The following ZFAT variants were observed in gnomAD, a reference collection of about 807,000 sequenced individuals.
ZFAT encodes the protein zinc finger and AT-hook domain containing.
Under a neutral mutation model 117.7 loss-of-function variants are expected in ZFAT, and 64 were observed. The ratio of observed to expected loss-of-function variants is 0.54; its 90% CI spans 0.44 to 0.67. The LOEUF is 0.67. Ranked by LOEUF, ZFAT falls within the 30% of genes least tolerant of loss-of-function variation. ZFAT has a pLI of 0.00. For missense variants in ZFAT, 1,433 were observed against 1,584.5 expected, an observed-to-expected ratio of 0.90 and a Z score of 1.62; for synonymous variants, 679 against 615.0, an observed-to-expected ratio of 1.10 and a Z score of -1.54.
chr8:134,708,438 G>A (rs1482731827), intron 1 of ZFAT, among the ~76,000 whole-genome samples: 1 of 151,738 alleles, frequency 6.6e-6, no homozygotes, highest in Non-Finnish European at 1.5e-5. Context: ...ACCCCGTAAA[G>A]AAACAAATAT....
intron 11 of ZFAT, among the ~76,000 whole-genome samples, chr8:134,543,014 T>A (rs1329699899): frequency 8.4e-6 from 1 of 118,720 alleles, no homozygotes; most frequent in Non-Finnish European, 1.7e-5. Context: ...TGACAGTGAG[T>A]CAGGCACATG....
At chr8:134,712,784 C>G (rs1814069082) in intron 1 of ZFAT, 61 bp downstream of exon 1, 2 of 1,400,586 alleles carry the variant, frequency 1.4e-6, no homozygotes. Context: ...AAACGGCTTT[C>G]CGCGCGCCGC....
At chr8:134,566,779 G>A (rs1824502009) in intron 10 of ZFAT, among the ~76,000 whole-genome samples, 2 of 152,166 alleles carry the variant, frequency 1.3e-5, no homozygotes, top group African/African-American at 4.8e-5. Context: ...CAAGCCAATG[G>A]CAGATTTTGG....
At chr8:134,731,889 A>C in the ZFAT span, among the ~76,000 whole-genome samples, 1 of 152,204 alleles carries the variant, frequency 6.6e-6, no homozygotes, top group Non-Finnish European at 1.5e-5. Flanking sequence ...CACTTGTCAC[A>C]GTCATTCCTC....
Position 134,478,414 on chromosome 8 carries a change from C to T in ZFAT, c.*68G>A, listed in dbSNP as rs1817028644. The T allele has an allele frequency of 2.0e-6, 3 of 1,513,950 alleles. No homozygotes were observed. The highest frequency in any genetic ancestry group is 2.7e-6 in the Non-Finnish European group (3 of 1,128,222). The allele number at this position is 1,513,950 out of a possible 1,614,324, so 93.8% of individuals were successfully genotyped here. A position where few individuals can be genotyped will look rare whatever the true frequency, so the allele number is the denominator to read the frequency against. On this transcript the variant is annotated 3_prime_UTR_variant, in exon 16 of 16. Transcript: ENST00000377838. The surrounding 1 kb of genome is among the most constrained non-coding windows in gnomAD (Gnocchi z 5.2). ...TCTGCGGGTAGGGCAGGAAGGGTGG[C>T]CTCCCCACCCTGGGTGCCTGCAGAG...
intron 11 of ZFAT, among the ~76,000 whole-genome samples, chr8:134,563,853 C>T (rs535825063): frequency 6.6e-6 from 1 of 152,262 alleles, no homozygotes; most frequent in South Asian, 2.1e-4. Flanking sequence ...AATCAGGGTG[C>T]CTTGACTGTT....
At chr8:134,817,919 T>C in the ZFAT span, among the ~76,000 whole-genome samples, 1 of 152,092 alleles carries the variant, frequency 6.6e-6, no homozygotes, top group Non-Finnish European at 1.5e-5. Flanking sequence ...GGGAATTCAA[T>C]AGAAAAAGGA....
intron 15 of ZFAT, among the ~76,000 whole-genome samples, chr8:134,495,777 A>G (rs1209556953): frequency 6.6e-6 from 1 of 152,196 alleles, no homozygotes; most frequent in Non-Finnish European, 1.5e-5. Context: ...AAAAGATACA[A>G]AAATTAGCCA....
At chr8:134,828,090 G>T in the ZFAT span, among the ~76,000 whole-genome samples, 2 of 152,082 alleles carry the variant, frequency 1.3e-5, no homozygotes, top group Non-Finnish European at 2.9e-5. Context: ...CCAATGTAAT[G>T]TACTTTTTAA....
At chr8:134,695,379 T>A (rs771341764) in intron 1 of ZFAT, among the ~76,000 whole-genome samples, 4 of 147,354 alleles carry the variant, frequency 2.7e-5, no homozygotes, top group Admixed American at 2.0e-4. Flanking sequence ...AGGCCCTCCG[T>A]CCGTAACTAA....
chr8:134,565,044 C>T (rs1824331123), intron 11 of ZFAT: 2 of 1,385,900 alleles, frequency 1.4e-6, no homozygotes, highest in African/African-American at 2.9e-5. Context: ...TGCAAGCCTT[C>T]CTCTAAATCA....
At chr8:134,588,788 C>T (rs1448612430) in intron 8 of ZFAT, among the ~76,000 whole-genome samples, 3 of 152,052 alleles carry the variant, frequency 2.0e-5, no homozygotes, top group South Asian at 4.2e-4. Context: ...CTGGTTCAAG[C>T]GAACCAACAG....
At chr8:134,614,103 C>T (rs1448687221) in intron 3 of ZFAT, among the ~76,000 whole-genome samples, 1 of 152,188 alleles carries the variant, frequency 6.6e-6, no homozygotes, top group Non-Finnish European at 1.5e-5. Flanking sequence ...AAATCCAAAT[C>T]TAATCCTGTC....
the ZFAT span, among the ~76,000 whole-genome samples, chr8:134,782,100 T>G: frequency 6.6e-6 from 1 of 152,226 alleles, no homozygotes; most frequent in African/African-American, 2.4e-5. Flanking sequence ...GCCTCCATTA[T>G]AAACCAGGGG....
chr8:134,521,312 G>A (rs1304935929), intron 12 of ZFAT, among the ~76,000 whole-genome samples: 3 of 150,500 alleles, frequency 2.0e-5, no homozygotes, highest in South Asian at 4.2e-4. Flanking sequence ...TGGCCAGTGG[G>A]TAAGTGGCTT....
At chr8:134,711,074 TGCATTTCTTTCTGAGTGTTAACA>T (rs1179884565) in intron 1 of ZFAT, among the ~76,000 whole-genome samples, 1 of 152,260 alleles carries the variant, frequency 6.6e-6, no homozygotes, top group Admixed American at 6.5e-5. Context: ...CTGTTCAGCC[TGCATTTCTTTCTGAGTGTTAACA>T]GCATCGTCTT....
At chr8:134,740,324 G>A in the ZFAT span, among the ~76,000 whole-genome samples, 3 of 152,226 alleles carry the variant, frequency 2.0e-5, no homozygotes, top group Non-Finnish European at 4.4e-5. Flanking sequence ...CATGGGTAAG[G>A]AGCCAGAATT....
chr8:134,756,492 C>T, the ZFAT span, among the ~76,000 whole-genome samples: 8 of 152,368 alleles, frequency 5.3e-5, no homozygotes, highest in South Asian at 2.1e-4. Context: ...TTCTCCAGCA[C>T]GGTGCTGTTT....
chr8:134,678,558 C>G (rs1832915849), intron 1 of ZFAT, among the ~76,000 whole-genome samples: 1 of 152,154 alleles, frequency 6.6e-6, no homozygotes, highest in African/African-American at 2.4e-5. Flanking sequence ...CTACCATTGA[C>G]TCTTCACAGA....
Sources: gnomAD v4.1 joint callset for allele counts (sites outside exome capture counted in the v4.1 genomes callset) on GRCh38, gnomAD v4.1.1 for gene constraint, Gnocchi (gnomAD v3.1) non-coding constraint, MANE v1.5 for transcripts, NCBI Gene and HGNC (gene_info 2026-07-23, HGNC 2026-07-21) for gene names.